Variants in GTF2IRD1 observed in about 807,000 individuals in gnomAD.
GTF2IRD1 encodes general transcription factor II-I repeat domain-containing protein 1.
GTF2IRD1 carries 26 observed loss-of-function variants against 113.2 expected under a neutral mutation model. The observed-to-expected ratio is 0.23, with a 90% CI of 0.17 to 0.32. The LOEUF (loss-of-function observed/expected upper bound fraction) is 0.32, where lower values mean the gene tolerates loss of function less well. Ranked by LOEUF, GTF2IRD1 falls within the 10% of genes least tolerant of loss-of-function variation. The pLI, the probability that GTF2IRD1 is intolerant of heterozygous loss-of-function variation, is 1.00. For missense variants in GTF2IRD1, 864 were observed against 1,280.8 expected, an observed-to-expected ratio of 0.67 and a Z score of 4.97; for synonymous variants, 484 against 529.1, an observed-to-expected ratio of 0.91 and a Z score of 1.17.
intron 4 of GTF2IRD1, among the ~76,000 whole-genome samples, 157 bp from the exon 5 acceptor site, chr7:74,517,982 G>T (rs587751791): frequency 3.3e-5 from 5 of 152,110 alleles, no homozygotes; most frequent in Admixed American, 3.3e-4. Context: ...GCCTGCAGGC[G>T]GTTATTCTGC....
At chr7:74,581,635 T>A in intron 22 of GTF2IRD1, among the ~76,000 whole-genome samples, 1 of 152,212 alleles carries the variant, frequency 6.6e-6, no homozygotes, top group African/African-American at 2.4e-5. Flanking sequence ...GGGAACTCCC[T>A]GGTGGCGACC....
intron 22 of GTF2IRD1, among the ~76,000 whole-genome samples, chr7:74,574,511 T>A (rs1439770236): frequency 6.8e-6 from 1 of 147,188 alleles, no homozygotes; most frequent in Non-Finnish European, 1.5e-5. Flanking sequence ...CAGGCTGGAG[T>A]GCAGTAGCAC....
chr7:74,573,261 G>A lies in GTF2IRD1; in HGVS notation c.2320+13606G>A, dbSNP rs587656018. On this transcript the variant is annotated intron_variant, in intron 22 of 26. Transcript: ENST00000424337. ...CCCATCTTGACAAAAAATGAGCCAG[G>A]CATGAGGGCACATGCCTGTAGTCCC... Among the ~76,000 whole-genome samples the A allele has an allele frequency of 6.6e-5, 10 of 151,952 alleles. No individual in the cohort carries two copies. The South Asian group carries it at 1.9e-3, about 29-fold the overall frequency.
chr7:74,455,986 A>G (rs1260766443), intron 1 of GTF2IRD1, among the ~76,000 whole-genome samples: 1 of 152,222 alleles, frequency 6.6e-6, no homozygotes, highest in South Asian at 2.1e-4. Flanking sequence ...AAACCTACTT[A>G]AAAGGACTGT....
At chr7:74,491,037 GTGGC>G (rs1156698697) in intron 1 of GTF2IRD1, among the ~76,000 whole-genome samples, 1 of 152,194 alleles carries the variant, frequency 6.6e-6, no homozygotes, top group Non-Finnish European at 1.5e-5. Flanking sequence ...GCCGAGTGCG[GTGGC>G]TCATGCCTGT....
chr7:74,574,143 C>G, intron 22 of GTF2IRD1, among the ~76,000 whole-genome samples: 1 of 146,124 alleles, frequency 6.8e-6, no homozygotes, highest in Non-Finnish European at 1.5e-5. Context: ...ACCACCACAC[C>G]AAGCTAATTT....
At chr7:74,498,382 C>A (rs192102248) in intron 1 of GTF2IRD1, among the ~76,000 whole-genome samples, 12 of 152,270 alleles carry the variant, frequency 7.9e-5, no homozygotes, top group Non-Finnish European at 1.5e-5. Context: ...AATATTTTCA[C>A]CCATTCTGTG....
intron 1 of GTF2IRD1, among the ~76,000 whole-genome samples, chr7:74,490,158 G>A (rs1795256360): frequency 6.6e-6 from 1 of 152,028 alleles, no homozygotes; most frequent in Non-Finnish European, 1.5e-5. Flanking sequence ...TGTAGAGATG[G>A]GGTCTCACTG....
chr7:74,563,529 A>T (rs1800106594), intron 22 of GTF2IRD1, among the ~76,000 whole-genome samples: 1 of 151,836 alleles, frequency 6.6e-6, no homozygotes, highest in Non-Finnish European at 1.5e-5. Flanking sequence ...GTCAGCCAAG[A>T]TCACACCATT....
chr7:74,484,521 C>T (rs561532703), intron 1 of GTF2IRD1, among the ~76,000 whole-genome samples: 62 of 147,590 alleles, frequency 4.2e-4, no homozygotes, highest in African/African-American at 1.4e-3. Context: ...CGAAGTGGTG[C>T]GATCTTGGCT....
chr7:74,563,392 A>G (rs1325197070), intron 22 of GTF2IRD1, among the ~76,000 whole-genome samples: 2 of 151,998 alleles, frequency 1.3e-5, no homozygotes, highest in Admixed American at 1.3e-4. Flanking sequence ...AGCCTGGCCA[A>G]CATGGTGAAA....
At chr7:74,561,421 G>C (rs1407113358) in intron 22 of GTF2IRD1, among the ~76,000 whole-genome samples, 2 of 151,954 alleles carry the variant, frequency 1.3e-5, no homozygotes, top group African/African-American at 4.8e-5. Flanking sequence ...ACCCCCAGAA[G>C]GGGGATCAGG....
intron 22 of GTF2IRD1, among the ~76,000 whole-genome samples, chr7:74,574,150 A>ATTTTTTT (rs71094796): frequency 4.2e-4 from 44 of 104,804 alleles, no homozygotes; most frequent in African/African-American, 5.5e-4. Flanking sequence ...CACCAAGCTA[A>ATTTTTTT]TTTTTTTTTT....
intron 22 of GTF2IRD1, among the ~76,000 whole-genome samples, chr7:74,576,336 G>A (rs587733299): frequency 1.7e-3 from 265 of 151,860 alleles, no homozygotes; most frequent in Non-Finnish European, 3.0e-3. Flanking sequence ...TGAGGCGGGC[G>A]AATCACTTGA....
chr7:74,573,957 T>C (rs1339482142), intron 22 of GTF2IRD1, among the ~76,000 whole-genome samples: 2 of 152,096 alleles, frequency 1.3e-5, no homozygotes, highest in Non-Finnish European at 2.9e-5. Context: ...CTTTTATTAT[T>C]ATTTCATTAT....
intron 16 of GTF2IRD1, 26 bp from the exon 17 acceptor site, chr7:74,547,077 G>T (rs782396615): frequency 6.2e-7 from 1 of 1,601,396 alleles, no homozygotes; most frequent in Non-Finnish European, 8.5e-7. Flanking sequence ...GCACCGGGTG[G>T]CCCTACAGCA....
intron 22 of GTF2IRD1, among the ~76,000 whole-genome samples, chr7:74,577,664 T>TA (rs1801157062): frequency 6.6e-6 from 1 of 152,054 alleles, no homozygotes; most frequent in Non-Finnish European, 1.5e-5. Context: ...TTTAATTTTT[T>TA]TTTTTTTTAA....
chr7:74,541,062 C>A (rs1446347761), intron 14 of GTF2IRD1, among the ~76,000 whole-genome samples: 3 of 151,760 alleles, frequency 2.0e-5, no homozygotes, highest in Admixed American at 6.6e-5. Flanking sequence ...CCACACCTTG[C>A]CTCAACAAAT....
At chr7:74,515,257 T>C (rs1201860161) in intron 3 of GTF2IRD1, 184 bp from the exon 4 acceptor site, 3 of 1,261,896 alleles carry the variant, frequency 2.4e-6, no homozygotes, top group African/African-American at 2.9e-5. Flanking sequence ...TGACCAGCCC[T>C]GGCCCTCAGT....
Sources: gnomAD v4.1 joint callset for allele counts (sites outside exome capture counted in the v4.1 genomes callset) on GRCh38, gnomAD v4.1.1 for gene constraint, MANE v1.5 for transcripts, NCBI Gene and HGNC (gene_info 2026-07-23, HGNC 2026-07-21) for gene names.